Variants in NRG1 observed in about 807,000 individuals in gnomAD.
NRG1 encodes the protein pro-neuregulin-1, membrane-bound isoform.
A neutral mutation model predicts 63.8 loss-of-function variants in NRG1; 18 were observed. That is an observed-to-expected ratio of 0.28 (90% CI 0.19 to 0.42). The LOEUF (loss-of-function observed/expected upper bound fraction) is 0.42, where lower values mean the gene tolerates loss of function less well. Among genes scored for constraint, NRG1 ranks in the 10% least tolerant of loss-of-function variants. The pLI is 1.00. For missense variants in NRG1, 762 were observed against 814.7 expected (o/e 0.94, Z 0.79); for synonymous variants, 302 against 301.3 (o/e 1.00, Z -0.02).
intron 1 of NRG1, among the ~76,000 whole-genome samples, chr8:32,232,200 G>T (rs1847029658): frequency 6.6e-6 from 1 of 152,036 alleles, no homozygotes; most frequent in African/African-American, 2.4e-5. Flanking sequence ...CACTGCACTA[G>T]GCCTTAAAAT....
intron 1 of NRG1, among the ~76,000 whole-genome samples, chr8:31,992,360 C>A (rs747692489): frequency 6.6e-6 from 1 of 151,862 alleles, no homozygotes; most frequent in African/African-American, 2.4e-5. Flanking sequence ...TTTAAAGATG[C>A]CTGCACTGCT....
chr8:32,430,900 C>A (rs1338306958), intron 1 of NRG1, among the ~76,000 whole-genome samples: 1 of 150,956 alleles, frequency 6.6e-6, no homozygotes, highest in East Asian at 2.0e-4. Flanking sequence ...AAAATAGGTA[C>A]CAGGAATATG....
intron 1 of NRG1, among the ~76,000 whole-genome samples, chr8:32,410,176 CTTTTTTTTTTT>C (rs374377158): frequency 3.0e-5 from 3 of 99,336 alleles, no homozygotes; most frequent in East Asian, 2.5e-4. Context: ...TTTTTCTTTC[CTTTTTTTTTTT>C]TTTTTTTTTT....
intron 1 of NRG1, among the ~76,000 whole-genome samples, chr8:32,322,519 A>G (rs1801532008): frequency 6.6e-6 from 1 of 152,068 alleles, no homozygotes; most frequent in South Asian, 2.1e-4. Flanking sequence ...GCCACCCATT[A>G]ATCCTATATA....
chr8:32,465,565 T>A (rs956505456), intron 1 of NRG1, among the ~76,000 whole-genome samples: 1 of 150,230 alleles, frequency 6.7e-6, no homozygotes, highest in African/African-American at 2.4e-5. Flanking sequence ...TCTGAGAGGA[T>A]ATGACAACAA....
chr8:32,152,285 T>C (rs1444761970), intron 1 of NRG1, among the ~76,000 whole-genome samples: 1 of 152,234 alleles, frequency 6.6e-6, no homozygotes, highest in African/African-American at 2.4e-5. Context: ...GGTTCTTCTA[T>C]TTGAAGAAAC....
chr8:31,944,769 A>C (rs1249410429), intron 1 of NRG1, among the ~76,000 whole-genome samples: 1 of 152,202 alleles, frequency 6.6e-6, no homozygotes, highest in Non-Finnish European at 1.5e-5. Context: ...ATCCGCATGC[A>C]ATTAGTGGAT....
chr8:32,005,731 C>A (rs327340), intron 1 of NRG1, among the ~76,000 whole-genome samples: 4,158 of 151,800 alleles, frequency 0.027, 194 homozygotes, highest in African/African-American at 0.096. Flanking sequence ...AAACGTTCAG[C>A]GAGGTGAGTG....
At chr8:32,279,360 T>G (rs1428050737) in intron 1 of NRG1, among the ~76,000 whole-genome samples, 3 of 152,182 alleles carry the variant, frequency 2.0e-5, no homozygotes, top group Non-Finnish European at 4.4e-5. Context: ...TTTTTTGTTT[T>G]GTTTTGTTTT....
intron 1 of NRG1, among the ~76,000 whole-genome samples, chr8:32,471,678 A>G (rs112829306): frequency 4.1e-4 from 63 of 152,278 alleles, no homozygotes; most frequent in Non-Finnish European, 8.1e-4. Context: ...ACCCCTGTTA[A>G]ATACTTAATA....
rs866935505 is a variant in NRG1 at position 31,880,411 on chromosome 8, G to A, written c.37+240980G>A. ...GACCATGAATTAACATTATATTTCC[G>A]CTTACCAGCCGTGTGATTTTAGCTT... On this transcript the variant is annotated intron_variant, in intron 1 of 10. Transcript: ENST00000519301. Among the ~76,000 whole-genome samples, 9 of 152,126 alleles carry A rather than the reference G, an allele frequency of 5.9e-5. No homozygotes were observed. The South Asian group carries it at 1.0e-3, about 18-fold the overall frequency.
At position 32,608,695 on chromosome 8, in the gene NRG1, C is replaced by A. The variant is rs1845774966; in HGVS notation, c.400+3012C>A. On this transcript the variant is annotated intron_variant, in intron 3 of 11. Transcript: ENST00000356819. ...AGCATCTCTGCGAATTTAAGCAATG[C>A]GAGTTTGTGGCTTTTCTCTCTGGTG... Among the ~76,000 whole-genome samples the A allele has an allele frequency of 3.3e-5, 5 of 151,230 alleles. No homozygotes were observed. The Admixed American group carries it at 3.3e-4, about 10-fold the overall frequency.
chr8:32,517,190 C>A (rs1829908316), intron 1 of NRG1, among the ~76,000 whole-genome samples: 2 of 152,264 alleles, frequency 1.3e-5, no homozygotes, highest in African/African-American at 2.4e-5. Flanking sequence ...TGTTTTCCAA[C>A]CACATTGTCC....
rs1843221531 is a variant in NRG1 at position 32,198,882 on chromosome 8, TAATA to T, written c.38-396945_38-396942del. ...CGTTTCTGAAAACTTGCATATATCT[TAATA>T]TATATATATATCTTATTTATATGTC... On this transcript the variant is annotated intron_variant, in intron 1 of 10. Coordinates refer to the NRG1 transcript ENST00000519301. Among the ~76,000 whole-genome samples, 4 of 151,560 alleles carry T rather than the reference TAATA, an allele frequency of 2.6e-5. No individual in the cohort carries two copies. The South Asian group carries it at 8.3e-4, about 31-fold the overall frequency.
intron 1 of NRG1, among the ~76,000 whole-genome samples, chr8:31,680,393 T>G (rs150760583): frequency 0.017 from 2,573 of 151,634 alleles, 81 homozygotes; most frequent in African/African-American, 0.06. Context: ...TATGCAGTGT[T>G]TGGTTTTCTG....
chr8:32,575,353 A>G (rs2129529528), intron 1 of NRG1, among the ~76,000 whole-genome samples: 1 of 151,498 alleles, frequency 6.6e-6, no homozygotes, highest in Middle Eastern at 3.4e-3. Flanking sequence ...TGGTTGCTTT[A>G]TAGTTGACTA....
Position 32,391,471 on chromosome 8 carries a change from C to T in NRG1, c.38-204357C>T, listed in dbSNP as rs187046537. On this transcript the variant is annotated intron_variant, in intron 1 of 10. Transcript: ENST00000519301. Reference sequence around the variant, plus strand: ...ATTGTTTTGTCACTCAGGTACTAAGCCCAGTACCCAATACTTACTTTTTCT... The same window carrying T: ...ATTGTTTTGTCACTCAGGTACTAAGTCCAGTACCCAATACTTACTTTTTCT... 3.5e-4 allele frequency among the ~76,000 whole-genome samples: 53 copies of T among 152,210 alleles called. 1 individual carries two copies. Among genetic ancestry groups the T allele is most frequent in the Admixed American group, 2.9e-3 (45 of 15,288 alleles).
intron 1 of NRG1, among the ~76,000 whole-genome samples, chr8:32,012,178 T>C (rs966434897): frequency 2.0e-5 from 3 of 152,122 alleles, no homozygotes; most frequent in African/African-American, 7.2e-5. Flanking sequence ...TGAGGTTCTA[T>C]AAATTTTGGA....
chr8:31,864,999 A>G (rs1391654076), intron 1 of NRG1, among the ~76,000 whole-genome samples: 1 of 152,056 alleles, frequency 6.6e-6, no homozygotes, highest in African/African-American at 2.4e-5. Flanking sequence ...ATTTACCTAT[A>G]CTTCTAGCAT....
Sources: allele counts gnomAD v4.1 joint callset (sites outside exome capture counted in the v4.1 genomes callset), GRCh38; gene constraint gnomAD v4.1.1; transcripts MANE v1.5; gene names NCBI Gene and HGNC (gene_info 2026-07-23, HGNC 2026-07-21).